Variants in GSAP observed in about 807,000 individuals in gnomAD.
GSAP encodes gamma-secretase-activating protein.
Under a neutral mutation model 131.7 loss-of-function variants are expected in GSAP, and 118 were observed. That is an observed-to-expected ratio of 0.90 (90% CI 0.77 to 1.04). The LOEUF (loss-of-function observed/expected upper bound fraction) is 1.04. Ranked by LOEUF, GSAP falls within the 50% of genes least tolerant of loss-of-function variation. The probability of loss-of-function intolerance (pLI) is 0.00; values close to 1 mark genes in which losing one functional copy is unlikely to be tolerated. For synonymous variants in GSAP, 381 were observed against 363.4 expected (o/e 1.05, Z -0.55); for missense variants, 1,019 against 1,013.2 (o/e 1.01, Z -0.08).
At chr7:77,345,721 G>C (rs1367860526) in intron 19 of GSAP, among the ~76,000 whole-genome samples, 1 of 152,026 alleles carries the variant, frequency 6.6e-6, no homozygotes, top group Non-Finnish European at 1.5e-5. Context: ...CCCTTTAACT[G>C]TAATTTTTGA....
chr7:77,380,578 A>T (rs1166670567), intron 8 of GSAP, among the ~76,000 whole-genome samples: 4 of 152,198 alleles, frequency 2.6e-5, no homozygotes, highest in Non-Finnish European at 4.4e-5. Flanking sequence ...GTTTACTTGT[A>T]GGTAATGCCA....
At chr7:77,351,009 A>G in intron 18 of GSAP, 1 of 516,920 alleles carries the variant, frequency 1.9e-6, no homozygotes, top group Non-Finnish European at 2.5e-6. Flanking sequence ...ATAAGAAAAT[A>G]TTTTAGGAGA....
Position 77,353,521 on chromosome 7 carries a change from A to C in GSAP, c.1408+51T>G, listed in dbSNP as rs760943679. On this transcript the variant is annotated intron_variant, in intron 17 of 30. Transcript: ENST00000257626. ...CACTATCAATTTACTGCTTTCCCTC[A>C]AGCAAAAAGGTCAAGTATTCAACTT... 2.4e-6 allele frequency: 3 copies of C among 1,227,978 alleles called. No individual in the cohort carries two copies. In the African/African-American group the frequency reaches 4.5e-5, roughly 18 times the overall value. 76.1% of individuals were successfully genotyped at this position (1,227,978 alleles called of 1,614,324 possible).
intron 3 of GSAP, among the ~76,000 whole-genome samples, chr7:77,398,601 T>TA (rs1800811001): frequency 6.6e-6 from 1 of 152,102 alleles, no homozygotes; most frequent in Non-Finnish European, 1.5e-5. Context: ...ATCCTATCTC[T>TA]ACAAAAGTTT....
chr7:77,380,020 A>AT (rs745769218), intron 8 of GSAP: 3 of 541,666 alleles, frequency 5.5e-6, no homozygotes, highest in Non-Finnish European at 7.1e-6. Context: ...GAAGAAAATC[A>AT]TTTTTAATAT....
intron 3 of GSAP, among the ~76,000 whole-genome samples, chr7:77,404,198 A>T (rs1341063810): frequency 6.6e-5 from 10 of 152,234 alleles, no homozygotes; most frequent in Admixed American, 6.5e-4. Flanking sequence ...ACTTAAGAAC[A>T]GCTTCACCTA....
chr7:77,370,851 C>T (rs2150973269), intron 12 of GSAP, among the ~76,000 whole-genome samples: 1 of 152,276 alleles, frequency 6.6e-6, no homozygotes, highest in South Asian at 2.1e-4. Flanking sequence ...CCTCTCACTA[C>T]CTAATTCAGT....
rs753993082 is a variant in GSAP, at chr7:77,377,403, A to G, written c.577-13T>C. ...AATTTTTAATCACCTAAAAATGCAA[A>G]AAAAAAAAAAAAAAAAAAAGTATGA... is the stretch of plus-strand genomic sequence containing the variant. On this transcript the variant is annotated splice_polypyrimidine_tract_variant and intron_variant, in intron 8 of 30. Coordinates refer to ENST00000257626, the MANE Select transcript of GSAP (RefSeq NM_017439.4). The G allele has an allele frequency of 3.3e-5, 5 of 152,694 alleles. No individual in the cohort carries two copies. Among genetic ancestry groups the G allele is most frequent in the South Asian group, 1.2e-4 (1 of 8,388 alleles). The allele number at this position is 152,694 out of a possible 1,614,324, so 9.5% of individuals were successfully genotyped here.
At chr7:77,402,616 A>AAAAAAAAAAACAAAAAAAT (rs375595494) in intron 3 of GSAP, among the ~76,000 whole-genome samples, 1 of 80,422 alleles carries the variant, frequency 1.2e-5, no homozygotes, top group Non-Finnish European at 2.7e-5. Context: ...AAAAAAAAAA[A>AAAAAAAAAAACAAAAAAAT]GAATTTTAAA....
At chr7:77,359,803 G>A (rs988377833) in intron 14 of GSAP, among the ~76,000 whole-genome samples, 33 of 152,206 alleles carry the variant, frequency 2.2e-4, no homozygotes, top group Admixed American at 1.6e-3. Flanking sequence ...TGTTTTCATA[G>A]TGGAAAGTTT....
rs1797096862 is a variant in GSAP at position 77,377,400 on chromosome 7, C to CAAAAAAAGAAA, written c.577-11_577-10insTTTCTTTTTTT. On this transcript the variant is annotated splice_polypyrimidine_tract_variant and intron_variant, in intron 8 of 30. Transcript: ENST00000257626. ...CAGAATTTTTAATCACCTAAAAATG[C>CAAAAAAAGAAA]AAAAAAAAAAAAAAAAAAAAAAGTA... 1 of 1,009,450 alleles carries CAAAAAAAGAAA rather than the reference C, an allele frequency of 9.9e-7. No homozygotes were observed. Among genetic ancestry groups the CAAAAAAAGAAA allele is most frequent in the Non-Finnish European group, 1.3e-6 (1 of 787,008 alleles). 62.5% of individuals were successfully genotyped at this position (1,009,450 alleles called of 1,614,324 possible). A position where few individuals can be genotyped will look rare whatever the true frequency, so the allele number is the denominator to read the frequency against.
chr7:77,387,359 C>A lies in GSAP; in HGVS notation c.456+1G>T. The A allele has an allele frequency of 6.6e-7, 1 of 1,504,666 alleles. No individual in the cohort carries two copies. Among genetic ancestry groups the A allele is most frequent in the Non-Finnish European group, 9.3e-7 (1 of 1,080,252 alleles). 93.2% of individuals were successfully genotyped at this position (1,504,666 alleles called of 1,614,324 possible). A position where few individuals can be genotyped will look rare whatever the true frequency, so the allele number is the denominator to read the frequency against. ...AAGTGATAAATGGCATGCTTACTTACCTGAACCCAAATATAGCTATCCACA... is the reference window on the plus strand; with the variant it reads ...AAGTGATAAATGGCATGCTTACTTAACTGAACCCAAATATAGCTATCCACA... On this transcript the variant is annotated splice_donor_variant, in intron 6 of 30. Coordinates refer to ENST00000257626, the MANE Select transcript of GSAP (RefSeq NM_017439.4). LOFTEE classifies it high-confidence loss of function.
intron 19 of GSAP, among the ~76,000 whole-genome samples, chr7:77,334,965 C>A (rs1053700738): frequency 1.4e-4 from 22 of 152,178 alleles, no homozygotes; most frequent in African/African-American, 4.8e-4. Flanking sequence ...CGCCTGTAAT[C>A]CCAGCTACTC....
intron 1 of GSAP, among the ~76,000 whole-genome samples, chr7:77,410,401 C>G (rs1404454171): frequency 6.6e-6 from 1 of 152,180 alleles, no homozygotes; most frequent in East Asian, 1.9e-4. Context: ...ATTCAGTAAC[C>G]TCTTTGCTTA....
At chr7:77,374,379 T>C (rs929512259) in intron 11 of GSAP, among the ~76,000 whole-genome samples, 5 of 152,212 alleles carry the variant, frequency 3.3e-5, no homozygotes, top group Non-Finnish European at 7.4e-5. Context: ...TACTTTCATC[T>C]TACATTTTTA....
chr7:77,399,709 G>T (rs1030058991), intron 3 of GSAP, among the ~76,000 whole-genome samples: 3 of 152,020 alleles, frequency 2.0e-5, no homozygotes, highest in Admixed American at 6.6e-5. Context: ...GAGGTGGGGG[G>T]GGGCGGGGCA....
At chr7:77,322,949 A>C (rs1787865244) in intron 24 of GSAP, among the ~76,000 whole-genome samples, 1 of 152,226 alleles carries the variant, frequency 6.6e-6, no homozygotes, top group Non-Finnish European at 1.5e-5. Flanking sequence ...GCTTATTTGC[A>C]TACTGGTCTT....
At chr7:77,415,027 T>C (rs551813516) in intron 1 of GSAP, among the ~76,000 whole-genome samples, 182 of 152,070 alleles carry the variant, frequency 1.2e-3, no homozygotes, top group African/African-American at 4.2e-3. Flanking sequence ...CCAGCTAATT[T>C]TTGTATAAAA....
chr7:77,377,415 A>G, intron 8 of GSAP, 25 bp from the exon 9 acceptor site: 1 of 1,547,502 alleles, frequency 6.5e-7, no homozygotes, highest in Non-Finnish European at 8.7e-7. Context: ...AAAAAAAAAA[A>G]AAAAAAAGTA....
Sources: gnomAD v4.1 joint callset for allele counts (sites outside exome capture counted in the v4.1 genomes callset) on GRCh38, gnomAD v4.1.1 for gene constraint, MANE v1.5 for transcripts, NCBI Gene and HGNC (gene_info 2026-07-23, HGNC 2026-07-21) for gene names.